The following C19orf44 variants were observed in gnomAD, a reference collection of about 807,000 sequenced individuals.
C19orf44 encodes chromosome 19 open reading frame 44.
C19orf44 carries 43 observed loss-of-function variants against 50.7 expected under a neutral mutation model. That is an observed-to-expected ratio of 0.85 (90% CI 0.66 to 1.09). The LOEUF is 1.09. Ranked by LOEUF, C19orf44 falls within the 50% of genes least tolerant of loss-of-function variation. C19orf44 has a pLI of 0.00. For missense variants in C19orf44, 722 were observed against 836.2 expected, an observed-to-expected ratio of 0.86 and a Z score of 1.68; for synonymous variants, 298 against 334.7, an observed-to-expected ratio of 0.89 and a Z score of 1.20.
At position 16,521,275 on chromosome 19, in the gene C19orf44, C is replaced by G; in HGVS notation, c.*1222C>G. ...GGGCTGAGGGCCCTGTGGCAGCCGG[C>G]TGCTTGAGACGTGCCGCCGTGCCAC... On this transcript the variant is annotated 3_prime_UTR_variant, in exon 9 of 9. Coordinates refer to ENST00000221671, the MANE Select transcript of C19orf44 (RefSeq NM_032207.4). 1 of 569,020 alleles carries G rather than the reference C, an allele frequency of 1.8e-6. No individual in the cohort carries two copies. Among genetic ancestry groups the G allele is most frequent in the East Asian group, 2.9e-5 (1 of 34,414 alleles). The allele number at this position is 569,020 out of a possible 1,614,324, so 35.2% of individuals were successfully genotyped here.
At chr19:16,517,191 T>G in intron 7 of C19orf44, 39 bp from the exon 8 acceptor site, 1 of 1,584,664 alleles carries the variant, frequency 6.3e-7, no homozygotes, top group South Asian at 1.1e-5. Flanking sequence ...TGTACTGAGG[T>G]GACGATGGTG....
At position 16,520,579 on chromosome 19, in the gene C19orf44, TCCTAGACCA is replaced by T; in HGVS notation, c.*529_*537del. Reference sequence around the variant, plus strand: ...ACCCAGCCCACCCTGGCCCTCAGGTTCCTAGACCACCCCAGATGCAGGGGCTCTGGCTGT... The same window carrying T: ...ACCCAGCCCACCCTGGCCCTCAGGTTCCCCAGATGCAGGGGCTCTGGCTGT... On this transcript the variant is annotated 3_prime_UTR_variant, in exon 9 of 9. Coordinates refer to ENST00000221671, the MANE Select transcript of C19orf44 (RefSeq NM_032207.4). This position sits in a 1 kb window ranked among gnomAD's most constrained non-coding sequence, Gnocchi z 4.0. 3.3e-6 allele frequency: 5 copies of T among 1,528,774 alleles called. No individual in the cohort carries two copies. Among genetic ancestry groups the T allele is most frequent in the Non-Finnish European group, 4.4e-6 (5 of 1,127,034 alleles). 94.7% of individuals were successfully genotyped at this position (1,528,774 alleles called of 1,614,324 possible).
chr19:16,503,186 C>G lies in C19orf44; in HGVS notation c.881C>G (p.Ser294Ter), dbSNP rs150685247. Residue 294 changes from serine to a stop codon, truncating the protein, a stop_gained, in exon 3 of 9, where the codon TCA becomes TGA. Transcript: ENST00000221671. LOFTEE classifies it high-confidence loss of function. ...AADRTLHSTRSRADYPQSHVS... is the reference protein window; with the variant it reads ...AADRTLHSTR Reference sequence around the variant, plus strand: ...GACAGAACCCTTCACAGCACTCGCTCAAGAGCAGACTACCCACAGAGTCAC... The same window carrying G: ...GACAGAACCCTTCACAGCACTCGCTGAAGAGCAGACTACCCACAGAGTCAC... 5 of 1,614,150 alleles carry G rather than the reference C, an allele frequency of 3.1e-6. No individual in the cohort carries two copies. Among genetic ancestry groups the G allele is most frequent in the Non-Finnish European group, 4.2e-6 (5 of 1,180,036 alleles).
chr19:16,519,232 G>T lies in C19orf44; in HGVS notation c.*41-862G>T. On this transcript the variant is annotated intron_variant, in intron 8 of 8. Transcript: ENST00000221671. The surrounding 1 kb of genome is among the most constrained non-coding windows in gnomAD (Gnocchi z 6.0). The stretch of plus-strand genomic sequence containing the variant: ...CTTGTTCCTGCGGTAGTTCTCATAG[G>T]GGTCATCCAGAGCCACGCCCACGCC... The T allele has an allele frequency of 6.2e-7, 1 of 1,614,046 alleles. No individual in the cohort carries two copies. The highest frequency in any genetic ancestry group is 8.5e-7 in the Non-Finnish European group (1 of 1,180,030).
chr19:16,504,616 T>G (rs1025008251), intron 3 of C19orf44, among the ~76,000 whole-genome samples: 50 of 148,996 alleles, frequency 3.4e-4, no homozygotes, highest in African/African-American at 1.2e-3. Context: ...TTTTTTTTTG[T>G]TTGTTTGTTT....
chr19:16,512,862 C>CAAAA, intron 5 of C19orf44, 152 bp from the exon 6 acceptor site: 21 of 499,120 alleles, frequency 4.2e-5, no homozygotes, highest in South Asian at 6.9e-5. Flanking sequence ...TGTCTCAAAC[C>CAAAA]AAAAAAAAAA....
intron 1 of C19orf44, among the ~76,000 whole-genome samples, chr19:16,497,615 C>T (rs2093413657): frequency 6.6e-6 from 1 of 152,134 alleles, no homozygotes; most frequent in Non-Finnish European, 1.5e-5. Flanking sequence ...TCCCAAAGTG[C>T]TGGGATTACA....
chr19:16,519,101 C>A lies in C19orf44; in HGVS notation c.*41-993C>A, dbSNP rs118156403. ...ACTGCAATCTTCCTCTGCCAGTCAG[C>A]CAGGAAGGTCCCACAGCCGGCACCG... On this transcript the variant is annotated intron_variant, in intron 8 of 8. Transcript: ENST00000221671. This position sits in a 1 kb window ranked among gnomAD's most constrained non-coding sequence, Gnocchi z 6.0. 8,994 of 1,483,060 alleles carry A rather than the reference C, an allele frequency of 6.1e-3. 43 individuals are homozygous for A. Among genetic ancestry groups the A allele is most frequent in the Non-Finnish European group, 7.7e-3 (8,348 of 1,084,202 alleles). 91.9% of individuals were successfully genotyped at this position (1,483,060 alleles called of 1,614,324 possible). A position where few individuals can be genotyped will look rare whatever the true frequency, so the allele number is the denominator to read the frequency against.
Position 16,519,511 on chromosome 19 carries a change from G to T in C19orf44, c.*41-583G>T. 1 of 1,261,078 alleles carries T rather than the reference G, an allele frequency of 7.9e-7. No homozygotes were observed. The highest frequency in any genetic ancestry group is 1.1e-6 in the Non-Finnish European group (1 of 871,614). The allele number at this position is 1,261,078 out of a possible 1,614,324, so 78.1% of individuals were successfully genotyped here. ...GAGGGTCTGGGTGGAGTCAGAACCG[G>T]CCTGACTCCATCCATCCCCACATGC... On this transcript the variant is annotated intron_variant, in intron 8 of 8. Transcript: ENST00000221671. This position sits in a 1 kb window ranked among gnomAD's most constrained non-coding sequence, Gnocchi z 6.0.
intron 1 of C19orf44, among the ~76,000 whole-genome samples, chr19:16,498,022 G>A (rs889229900): frequency 1.3e-5 from 2 of 152,072 alleles, no homozygotes; most frequent in East Asian, 1.9e-4. Context: ...TGGGAGGATC[G>A]CGTGACCCCG....
chr19:16,500,697 A>C, intron 1 of C19orf44, 95 bp from the exon 2 acceptor site: 3 of 1,294,702 alleles, frequency 2.3e-6, no homozygotes, highest in Non-Finnish European at 3.2e-6. Context: ...GCTGGGTTGC[A>C]AAAGACAGTG....
chr19:16,499,474 A>C (rs2093418922), intron 1 of C19orf44: 1 of 151,806 alleles, frequency 6.6e-6, no homozygotes, highest in Admixed American at 6.6e-5. Flanking sequence ...TTTTTAGTAG[A>C]GACGGGGTTT....
At chr19:16,518,851 C>T (rs916509716) in intron 8 of C19orf44, 9 of 379,384 alleles carry the variant, frequency 2.4e-5, no homozygotes, top group East Asian at 1.3e-4. Flanking sequence ...TCCATCCCTT[C>T]GTGGCTGAAG....
intron 8 of C19orf44, chr19:16,518,117 T>C (rs2085562833): frequency 6.6e-6 from 1 of 152,122 alleles, no homozygotes; most frequent in Non-Finnish European, 1.5e-5. Flanking sequence ...ATGAATGGAA[T>C]TGCACCAGGC....
rs1363250670 is a variant in C19orf44 at position 16,514,665 on chromosome 19, T to C, written c.1902+2T>C. Reference sequence around the variant, plus strand: ...CACACCCTGGAGGAAGCCAAAGAGGTGAGCGCAGCTCCCCATGGGCAGGGG... The same window carrying C: ...CACACCCTGGAGGAAGCCAAAGAGGCGAGCGCAGCTCCCCATGGGCAGGGG... On this transcript the variant is annotated splice_donor_variant, in intron 7 of 8. Coordinates refer to ENST00000221671, the MANE Select transcript of C19orf44 (RefSeq NM_032207.4). LOFTEE classifies it high-confidence loss of function. The C allele has an allele frequency of 1.3e-6, 2 of 1,563,044 alleles. No individual in the cohort carries two copies. The highest frequency in any genetic ancestry group is 3.8e-5 in the Admixed American group (2 of 52,166).
chr19:16,519,191 C>T lies in C19orf44; in HGVS notation c.*41-903C>T, dbSNP rs2085582169. On this transcript the variant is annotated intron_variant, in intron 8 of 8. Coordinates refer to ENST00000221671, the MANE Select transcript of C19orf44 (RefSeq NM_032207.4). This position sits in a 1 kb window ranked among gnomAD's most constrained non-coding sequence, Gnocchi z 6.0. ...CACTCGTCCCTGGCCTTCATGCGGG[C>T]GATGAAGGAGTAGCTCTTGTTCCTG... is the stretch of plus-strand genomic sequence containing the variant. The T allele has an allele frequency of 1.2e-6, 2 of 1,613,872 alleles. No individual in the cohort carries two copies. Among genetic ancestry groups the T allele is most frequent in the South Asian group, 1.1e-5 (1 of 91,086 alleles).
Position 16,506,772 on chromosome 19 carries a change from GAAGT to G in C19orf44, c.1149+4_1149+7del, listed in dbSNP as rs2093441865. 1.3e-6 allele frequency: 2 copies of G among 1,596,812 alleles called. No homozygotes were observed. The highest frequency in any genetic ancestry group is 1.7e-5 in the Admixed American group (1 of 57,910). On this transcript the variant is annotated splice_donor_variant and coding_sequence_variant, in exon 4 of 9. Transcript: ENST00000221671. LOFTEE classifies it high-confidence loss of function. ...CAGTGAGAACTCCGATTTGGAACAGGAAGTAAGTACAACAAAGTCATTTTTCATG... is the reference window on the plus strand; with the variant it reads ...CAGTGAGAACTCCGATTTGGAACAGGAAGTACAACAAAGTCATTTTTCATG...
Position 16,503,469 on chromosome 19 carries a change from T to G in C19orf44, c.1075+89T>G, listed in dbSNP as rs545325155. 2.2e-6 allele frequency: 3 copies of G among 1,354,604 alleles called. No individual in the cohort carries two copies. In the African/African-American group the frequency reaches 4.4e-5, roughly 20 times the overall value. 83.9% of individuals were successfully genotyped at this position (1,354,604 alleles called of 1,614,324 possible). ...CCCTGACGCAGTGGTCATGGGGCAT[T>G]GCCACAGGCAGGGAGTTTTGAGTCG... On this transcript the variant is annotated intron_variant, in intron 3 of 8. Coordinates refer to ENST00000221671, the MANE Select transcript of C19orf44 (RefSeq NM_032207.4).
At position 16,517,251 on chromosome 19, in the gene C19orf44, G is replaced by A. The variant is rs368026978; in HGVS notation, c.1924G>A (p.Ala642Thr). Residue 642 changes from alanine to threonine, a missense_variant, in exon 8 of 9, where the codon GCC becomes ACC. Coordinates refer to ENST00000221671, the MANE Select transcript of C19orf44 (RefSeq NM_032207.4). ...AKEYIRCHRPAPLTMEDALEE... is the reference protein window; with the variant it reads ...AKEYIRCHRPTPLTMEDALEE... Reference sequence around the variant, plus strand: ...ACAGTACATTAGGTGCCACAGACCTGCCCCACTGACCATGGAGGATGCCCT... The same window carrying A: ...ACAGTACATTAGGTGCCACAGACCTACCCCACTGACCATGGAGGATGCCCT... 1.4e-5 allele frequency: 22 copies of A among 1,614,126 alleles called. No individual in the cohort carries two copies. Among genetic ancestry groups the A allele is most frequent in the Admixed American group, 3.3e-5 (2 of 60,006 alleles).
Sources: gnomAD v4.1 joint callset for allele counts (sites outside exome capture counted in the v4.1 genomes callset) on GRCh38, gnomAD v4.1.1 for gene constraint, Gnocchi (gnomAD v3.1) non-coding constraint, MANE v1.5 for transcripts, NCBI Gene and HGNC (gene_info 2026-07-23, HGNC 2026-07-21) for gene names.